PKNOX2: variants seen among roughly 807,000 people sequenced by gnomAD.
The protein encoded by PKNOX2 is PBX/knotted 1 homeobox 2, also known as homeobox protein PKNOX2.
Under a neutral mutation model 53.1 loss-of-function variants are expected in PKNOX2, and 14 were observed. That is an observed-to-expected ratio of 0.26 (90% CI 0.17 to 0.41). The LOEUF is 0.41. Among genes scored for constraint, PKNOX2 ranks in the 10% least tolerant of loss-of-function variants. PKNOX2 has a pLI of 1.00. For synonymous variants in PKNOX2, 257 were observed against 242.8 expected (o/e 1.06, Z -0.54); for missense variants, 496 against 602.8 (o/e 0.82, Z 1.85).
chr11:125,357,912 T>C (rs1181636174), intron 4 of PKNOX2, among the ~76,000 whole-genome samples: 1 of 152,180 alleles, frequency 6.6e-6, no homozygotes, highest in Non-Finnish European at 1.5e-5. Context: ...AAACATTGAG[T>C]GTGTCCTGTG....
chr11:125,315,396 C>T (rs1258469232), intron 2 of PKNOX2, among the ~76,000 whole-genome samples: 1 of 151,922 alleles, frequency 6.6e-6, no homozygotes, highest in East Asian at 1.9e-4. Context: ...GGCGGCTCTG[C>T]CTCCTGCCCG....
intron 1 of PKNOX2, among the ~76,000 whole-genome samples, chr11:125,193,895 C>A (rs1957022541): frequency 6.6e-6 from 1 of 152,188 alleles, no homozygotes. Context: ...GCCTCAGTTT[C>A]CCCATTTTCA....
At chr11:125,397,777 TG>T in intron 6 of PKNOX2, 96 bp from the exon 7 acceptor site, 1 of 1,231,496 alleles carries the variant, frequency 8.1e-7, no homozygotes, top group Non-Finnish European at 1.1e-6. Flanking sequence ...CGGCAGGGGG[TG>T]GGCTCCCCTC....
At chr11:125,189,373 A>ATATATATATGTGTGTATATATATATG (rs1565464965) in intron 1 of PKNOX2, among the ~76,000 whole-genome samples, 9 of 137,806 alleles carry the variant, frequency 6.5e-5, no homozygotes, top group Non-Finnish European at 1.2e-4. Context: ...ATATATGTAT[A>ATATATATATGTGTGTATATATATATG]TATATATATG....
At chr11:125,232,545 C>G (rs1479492869) in intron 1 of PKNOX2, among the ~76,000 whole-genome samples, 1 of 152,200 alleles carries the variant, frequency 6.6e-6, no homozygotes, top group Non-Finnish European at 1.5e-5. Context: ...GATTCCAGAG[C>G]CTACCCTTTG....
chr11:125,357,973 C>A lies in PKNOX2; in HGVS notation c.87+6581C>A, dbSNP rs922918691. On this transcript the variant is annotated intron_variant, in intron 4 of 12. Transcript: ENST00000298282. Reference sequence around the variant, plus strand: ...CTGGGGTGCAAAATCAACAGAGTTCCTGTCCTCTTGGAGCTTAGAGTCCAT... The same window carrying A: ...CTGGGGTGCAAAATCAACAGAGTTCATGTCCTCTTGGAGCTTAGAGTCCAT... Among the ~76,000 whole-genome samples, 10 of 152,140 alleles carry A rather than the reference C, an allele frequency of 6.6e-5. 1 individual carries two copies. The highest frequency in any genetic ancestry group is 2.2e-4 in the African/African-American group (9 of 41,400).
At chr11:125,315,466 CCAGTG>C (rs1949119227) in intron 2 of PKNOX2, among the ~76,000 whole-genome samples, 1 of 152,134 alleles carries the variant, frequency 6.6e-6, no homozygotes, top group African/African-American at 2.4e-5. Context: ...ATTTATTGGC[CCAGTG>C]CAGAGAGGCC....
chr11:125,424,594 A>T (rs1956320400), intron 10 of PKNOX2, among the ~76,000 whole-genome samples: 1 of 152,132 alleles, frequency 6.6e-6, no homozygotes, highest in African/African-American at 2.4e-5. Flanking sequence ...AGCGCTGCTG[A>T]TGGCAGGAAA....
intron 2 of PKNOX2, among the ~76,000 whole-genome samples, chr11:125,296,496 G>T (rs967047120): frequency 1.3e-5 from 2 of 152,086 alleles, no homozygotes; most frequent in African/African-American, 4.8e-5. Context: ...CATCATCAAG[G>T]TCACCTGACG....
intron 10 of PKNOX2, among the ~76,000 whole-genome samples, chr11:125,416,528 TTTACAGAAGAGTTTGTTAAA>T (rs1213779017): frequency 6.6e-6 from 1 of 151,946 alleles, no homozygotes; most frequent in Middle Eastern, 3.2e-3. Flanking sequence ...ATTTCATTGG[TTTACAGAAGAGTTTGTTAAA>T]TTACAGAAAC....
At chr11:125,418,010 G>A (rs557263555) in intron 10 of PKNOX2, among the ~76,000 whole-genome samples, 9 of 152,082 alleles carry the variant, frequency 5.9e-5, no homozygotes, top group African/African-American at 9.7e-5. Flanking sequence ...CATAATTCAC[G>A]TACCATAAAA....
chr11:125,331,362 A>T (rs1256521168), intron 2 of PKNOX2, among the ~76,000 whole-genome samples: 1 of 111,140 alleles, frequency 9.0e-6, no homozygotes. Context: ...GTGTCTCTCC[A>T]GACCCCAGTC....
chr11:125,387,791 A>G (rs1397318404), intron 6 of PKNOX2, among the ~76,000 whole-genome samples: 1 of 152,174 alleles, frequency 6.6e-6, no homozygotes, highest in East Asian at 1.9e-4. Context: ...TAGTTGAGTT[A>G]GCCATGGTCA....
chr11:125,204,358 G>T (rs1021044599), intron 1 of PKNOX2, among the ~76,000 whole-genome samples: 1 of 152,204 alleles, frequency 6.6e-6, no homozygotes, highest in African/African-American at 2.4e-5. Context: ...GATTCAGCAG[G>T]TCTGTGTGGG....
At chr11:125,203,356 C>G (rs1938672757) in intron 1 of PKNOX2, among the ~76,000 whole-genome samples, 1 of 152,264 alleles carries the variant, frequency 6.6e-6, no homozygotes, top group South Asian at 2.1e-4. Context: ...GATCCTCCTG[C>G]CTGGCCTCCC....
intron 5 of PKNOX2, among the ~76,000 whole-genome samples, chr11:125,380,879 A>G (rs897531956): frequency 3.9e-5 from 6 of 152,150 alleles, no homozygotes; most frequent in Non-Finnish European, 8.8e-5. Flanking sequence ...GCCTCCTCTC[A>G]TGCTTTAGGG....
chr11:125,264,097 A>G (rs1323843555), intron 2 of PKNOX2, among the ~76,000 whole-genome samples: 1 of 152,132 alleles, frequency 6.6e-6, no homozygotes, highest in Admixed American at 6.5e-5. Context: ...AATCTGAGCA[A>G]GTTGGTGCCA....
intron 3 of PKNOX2, among the ~76,000 whole-genome samples, chr11:125,343,667 TG>T (rs1442157878): frequency 2.0e-5 from 3 of 152,194 alleles, no homozygotes; most frequent in African/African-American, 7.2e-5. Context: ...TGTTTCAGTT[TG>T]TAAAATATAT....
chr11:125,399,430 G>C (rs1489512383), intron 7 of PKNOX2, among the ~76,000 whole-genome samples: 1 of 152,188 alleles, frequency 6.6e-6, no homozygotes, highest in Non-Finnish European at 1.5e-5. Context: ...ATTATTGTGG[G>C]TTACCATGGT....
Sources: gnomAD v4.1 joint callset for allele counts (sites outside exome capture counted in the v4.1 genomes callset) on GRCh38, gnomAD v4.1.1 for gene constraint, MANE v1.5 for transcripts, NCBI Gene and HGNC (gene_info 2026-07-23, HGNC 2026-07-21) for gene names.